The following RELN variants were observed in gnomAD, a reference collection of about 807,000 sequenced individuals.
RELN encodes reelin.
A neutral mutation model predicts 427.6 loss-of-function variants in RELN; 108 were observed. The observed-to-expected ratio is 0.25, with a 90% CI of 0.22 to 0.30. The LOEUF (loss-of-function observed/expected upper bound fraction) is 0.30, where lower values mean the gene tolerates loss of function less well. Among genes scored for constraint, RELN ranks in the 10% least tolerant of loss-of-function variants. The probability of loss-of-function intolerance (pLI) is 1.00; values close to 1 mark genes in which losing one functional copy is unlikely to be tolerated. For synonymous variants in RELN, 1,524 were observed against 1,513.4 expected (o/e 1.01, Z -0.16); for missense variants, 3,715 against 4,302.8 (o/e 0.86, Z 3.82).
intron 24 of RELN, among the ~76,000 whole-genome samples, chr7:103,602,071 T>C (rs1831683787): frequency 6.6e-6 from 1 of 152,156 alleles, no homozygotes; most frequent in Non-Finnish European, 1.5e-5. Flanking sequence ...CTCTCATCAC[T>C]ATTCCTCCTT....
intron 64 of RELN, among the ~76,000 whole-genome samples, chr7:103,476,922 G>A (rs748606304): frequency 1.3e-5 from 2 of 152,150 alleles, no homozygotes; most frequent in Non-Finnish European, 2.9e-5. Context: ...AATTACCAGA[G>A]AAAGTAATTT....
At chr7:103,819,081 T>TGCACA (rs1792952763) in intron 3 of RELN, among the ~76,000 whole-genome samples, 1 of 152,156 alleles carries the variant, frequency 6.6e-6, no homozygotes, top group Admixed American at 6.6e-5. Context: ...CATGTGCAGG[T>TGCACA]GTCAGTGTGA....
At chr7:103,922,220 A>T (rs1263496480) in intron 1 of RELN, among the ~76,000 whole-genome samples, 1 of 152,204 alleles carries the variant, frequency 6.6e-6, no homozygotes, top group East Asian at 1.9e-4. Flanking sequence ...AAACAAAAAA[A>T]TAAAAAATAA....
rs750279128 is a variant in RELN, at chr7:103,542,828, G to A, written c.6574C>T (p.Arg2192Ter). 1 of 1,613,872 alleles carries A rather than the reference G, an allele frequency of 6.2e-7. No individual in the cohort carries two copies. The highest frequency in any genetic ancestry group is 1.3e-5 in the African/African-American group (1 of 74,882). Residue 2192 changes from arginine to a stop codon, truncating the protein, a stop_gained, in exon 43 of 65, where the codon CGA (arginine) becomes TGA (stop). Transcript: ENST00000428762. LOFTEE classifies it high-confidence loss of function. ...FLLMSGGKPS[R>*]KCGILSSGNN... is the part of the protein sequence containing the mutation. ...CCACTAGAAAGGATTCCACACTTTC[G>A]AGATGGTTTCCCACCACTCATTAAT...
intron 1 of RELN, among the ~76,000 whole-genome samples, chr7:103,959,451 C>A (rs1300025756): frequency 2.0e-5 from 3 of 152,170 alleles, no homozygotes; most frequent in Non-Finnish European, 4.4e-5. Context: ...ATGTGTCCAA[C>A]AGTTCTCTCA....
chr7:103,806,356 G>A (rs760469073), intron 3 of RELN, among the ~76,000 whole-genome samples: 7 of 151,632 alleles, frequency 4.6e-5, no homozygotes, highest in Non-Finnish European at 1.0e-4. Flanking sequence ...ACAGAGTCTC[G>A]CTCTGTCACC....
Position 103,629,984 on chromosome 7 carries a change from G to A in RELN, c.2658C>T (p.Tyr886=). Residue 886 remains tyrosine (Y), a synonymous_variant, in exon 20 of 65, where the codon TAC becomes TAT. Transcript: ENST00000428762. ...CACAGTATGGCTGAACATTTCCAAG[G>A]TAGAATCCCAGAGACTGAGTGACCT... ...LVEVTQSLGF[Y]LGNVQPYCGH... The A allele has an allele frequency of 1.2e-6, 2 of 1,613,604 alleles. No homozygotes were observed. The highest frequency in any genetic ancestry group is 1.7e-6 in the Non-Finnish European group (2 of 1,179,630).
intron 7 of RELN, among the ~76,000 whole-genome samples, chr7:103,726,082 A>G (rs541698679): frequency 1.3e-5 from 2 of 152,310 alleles, no homozygotes; most frequent in Admixed American, 1.3e-4. Context: ...CTCATGCACA[A>G]CAATTTTGAC....
At chr7:103,971,643 T>A (rs1252624278) in intron 1 of RELN, among the ~76,000 whole-genome samples, 3 of 152,232 alleles carry the variant, frequency 2.0e-5, no homozygotes. Context: ...TGGTATTATC[T>A]TTTTGGAGGA....
chr7:103,636,443 C>A lies in RELN; in HGVS notation c.2095G>T (p.Ala699Ser), dbSNP rs543233426. The change falls in exon 18 of 65, where the codon GCT (alanine) becomes TCT (serine). Residue 699 changes from alanine to serine, a missense_variant. Physicochemically the swap from Ala to Ser is moderately conservative, Grantham distance 99. Coordinates refer to ENST00000428762, the MANE Select transcript of RELN (RefSeq NM_005045.4). ...CKCDPGFSGP[A>S]CEMASQTFPM... is the part of the protein sequence containing the mutation. ...AATGTCTGGGATGCCATCTCACAAG[C>A]TGGGCCAGAAAATCCAGGGTCACAC... 5 of 1,613,624 alleles carry A rather than the reference C, an allele frequency of 3.1e-6. No homozygotes were observed. The highest frequency in any genetic ancestry group is 3.4e-6 in the Non-Finnish European group (4 of 1,179,706).
intron 3 of RELN, among the ~76,000 whole-genome samples, chr7:103,783,285 C>T (rs1308553644): frequency 2.0e-5 from 3 of 150,746 alleles, no homozygotes; most frequent in Non-Finnish European, 4.4e-5. Flanking sequence ...ATAAAACGTA[C>T]AGTGCATTCT....
chr7:103,950,726 C>T (rs1446986419), intron 1 of RELN, among the ~76,000 whole-genome samples: 1 of 152,130 alleles, frequency 6.6e-6, no homozygotes, highest in Non-Finnish European at 1.5e-5. Context: ...ATTTTATAAA[C>T]AATTTTGACT....
At position 103,953,660 on chromosome 7, in the gene RELN, C is replaced by T. The variant is rs749673926; in HGVS notation, c.226+35471G>A. 2.1e-4 allele frequency among the ~76,000 whole-genome samples: 32 copies of T among 152,266 alleles called. 1 individual carries two copies. Among genetic ancestry groups the T allele is most frequent in the Non-Finnish European group, 2.8e-4 (19 of 68,010 alleles). ...AAAACTTACCAGCCTCCACTGGGTG[C>T]GGTGGCTCACATCTGTAATCCCAGC... On this transcript the variant is annotated intron_variant, in intron 1 of 64. Coordinates refer to ENST00000428762, the MANE Select transcript of RELN (RefSeq NM_005045.4). This position sits in a 1 kb window ranked among gnomAD's most constrained non-coding sequence, Gnocchi z 4.3.
rs778233140 is a variant in RELN, at chr7:103,629,993, C to T, written c.2649G>A (p.Leu883=). 4 of 1,613,822 alleles carry T rather than the reference C, an allele frequency of 2.5e-6. No homozygotes were observed. Among genetic ancestry groups the T allele is most frequent in the South Asian group, 1.1e-5 (1 of 91,076 alleles). ...FTNLVEVTQS[L]GFYLGNVQPY... is the part of the protein sequence containing the mutation. ...GCTGAACATTTCCAAGGTAGAATCC[C>T]AGAGACTGAGTGACCTCCACAAGAT... The change falls in exon 20 of 65, where the codon CTG becomes CTA. Residue 883 remains leucine (L), a synonymous_variant. Coordinates refer to ENST00000428762, the MANE Select transcript of RELN (RefSeq NM_005045.4).
chr7:103,890,865 C>A lies in RELN; in HGVS notation c.337+26210G>T, dbSNP rs562331682. On this transcript the variant is annotated intron_variant, in intron 2 of 64. Coordinates refer to ENST00000428762, the MANE Select transcript of RELN (RefSeq NM_005045.4). Reference sequence around the variant, plus strand: ...GGCTGAGGCGGGCAGATAATGAGGTCAGGAGTTCGAGACCACCCTGACCAA... The same window carrying A: ...GGCTGAGGCGGGCAGATAATGAGGTAAGGAGTTCGAGACCACCCTGACCAA... Among the ~76,000 whole-genome samples, 144 of 152,242 alleles carry A rather than the reference C, an allele frequency of 9.5e-4. 2 individuals carry two copies. Among genetic ancestry groups the A allele is most frequent in the African/African-American group, 3.3e-3 (139 of 41,532 alleles).
chr7:103,570,055 A>T (rs973689924), intron 31 of RELN, among the ~76,000 whole-genome samples: 1 of 152,194 alleles, frequency 6.6e-6, no homozygotes, highest in African/African-American at 2.4e-5. Flanking sequence ...CATTTTAACA[A>T]CCAGTTTTCA....
chr7:103,766,656 A>G (rs569195381), intron 4 of RELN, among the ~76,000 whole-genome samples: 14 of 152,336 alleles, frequency 9.2e-5, no homozygotes, highest in African/African-American at 2.9e-4. Flanking sequence ...AACTTTCACC[A>G]ATCCTTAATA....
chr7:103,797,380 C>G (rs1162457074), intron 3 of RELN, among the ~76,000 whole-genome samples: 1 of 152,170 alleles, frequency 6.6e-6, no homozygotes, highest in Non-Finnish European at 1.5e-5. Flanking sequence ...AGTGGGATTA[C>G]AGGTGTGAGT....
At chr7:103,648,145 C>G (rs1021627934) in intron 16 of RELN, among the ~76,000 whole-genome samples, 3 of 151,978 alleles carry the variant, frequency 2.0e-5, no homozygotes, top group Non-Finnish European at 4.4e-5. Flanking sequence ...GCCCAAATCT[C>G]ATGTCAAATT....
Sources: gnomAD v4.1 joint callset for allele counts (sites outside exome capture counted in the v4.1 genomes callset) on GRCh38, gnomAD v4.1.1 for gene constraint, Gnocchi (gnomAD v3.1) non-coding constraint, MANE v1.5 for transcripts, NCBI Gene and HGNC (gene_info 2026-07-23, HGNC 2026-07-21) for gene names.